Variants in PRKAG2 observed in about 807,000 individuals in gnomAD.
The protein encoded by PRKAG2 is protein kinase AMP-activated non-catalytic subunit gamma 2.
Under a neutral mutation model 69.6 loss-of-function variants are expected in PRKAG2, and 26 were observed. That is an observed-to-expected ratio of 0.37 (90% CI 0.27 to 0.52). The LOEUF is 0.52. Ranked by LOEUF, PRKAG2 falls within the 20% of genes least tolerant of loss-of-function variation. PRKAG2 has a pLI of 0.90. For synonymous variants in PRKAG2, 293 were observed against 285.0 expected (o/e 1.03, Z -0.28); for missense variants, 557 against 740.0 (o/e 0.75, Z 2.87).
intron 3 of PRKAG2, among the ~76,000 whole-genome samples, chr7:151,757,972 C>T (rs1183395491): frequency 6.6e-6 from 1 of 152,236 alleles, no homozygotes; most frequent in Non-Finnish European, 1.5e-5. Context: ...TGCGATGAAG[C>T]CCTGCGGCTC....
intron 1 of PRKAG2, among the ~76,000 whole-genome samples, chr7:151,797,409 CG>C (rs1004176587): frequency 2.7e-4 from 41 of 152,246 alleles, no homozygotes; most frequent in African/African-American, 9.1e-4. Flanking sequence ...CCCTCCTCTA[CG>C]TAGAGGACCT....
intron 3 of PRKAG2, among the ~76,000 whole-genome samples, chr7:151,726,902 C>A (rs1460875968): frequency 1.3e-5 from 2 of 152,112 alleles, no homozygotes; most frequent in African/African-American, 4.8e-5. Context: ...GTTAGCACAG[C>A]ATTGTTAGTC....
At chr7:151,656,983 A>G (rs1401353828) in intron 4 of PRKAG2, among the ~76,000 whole-genome samples, 1 of 152,078 alleles carries the variant, frequency 6.6e-6, no homozygotes, top group African/African-American at 2.4e-5. Flanking sequence ...CTAAAAATAC[A>G]AAAATTAGCT....
At chr7:151,564,052 G>T (rs1805686194) in intron 14 of PRKAG2, 26 bp downstream of exon 14, 2 of 1,613,642 alleles carry the variant, frequency 1.2e-6, no homozygotes, top group African/African-American at 2.7e-5. Context: ...GACGTCGGGG[G>T]AGCAGGACTG....
chr7:151,810,571 C>T (rs1322644696), intron 1 of PRKAG2: 1 of 152,634 alleles, frequency 6.6e-6, no homozygotes, highest in Non-Finnish European at 1.5e-5. Context: ...AGTTGCCACC[C>T]CCGCAACACA....
Position 151,671,540 on chromosome 7 carries a change from AATG to A in PRKAG2, c.684+3877_684+3879del, listed in dbSNP as rs369541543. Among the ~76,000 whole-genome samples the A allele has an allele frequency of 3.4e-3, 520 of 152,368 alleles. 2 individuals carry two copies. Among genetic ancestry groups the A allele is most frequent in the African/African-American group, 0.012 (499 of 41,590 alleles). On this transcript the variant is annotated intron_variant, in intron 4 of 15. Transcript: ENST00000287878. Reference sequence around the variant, plus strand: ...ACCACCCACCCTGCTGCCAGAATGTAATGATATGTTCTCTGCATGCCAAACATA... The same window carrying A: ...ACCACCCACCCTGCTGCCAGAATGTAATATGTTCTCTGCATGCCAAACATA...
chr7:151,789,658 G>C (rs139743423), intron 1 of PRKAG2, among the ~76,000 whole-genome samples: 260 of 152,348 alleles, frequency 1.7e-3, no homozygotes, highest in Middle Eastern at 3.4e-3. Flanking sequence ...GCAGATTCCA[G>C]ACTCAGCCTT....
chr7:151,595,910 C>T (rs1814379869), intron 5 of PRKAG2, among the ~76,000 whole-genome samples: 1 of 152,170 alleles, frequency 6.6e-6, no homozygotes, highest in Admixed American at 6.5e-5. Context: ...TGGCTCACAC[C>T]TGTAATCCCA....
chr7:151,675,196 C>G (rs905569876), intron 4 of PRKAG2: 3 of 557,088 alleles, frequency 5.4e-6, no homozygotes, highest in African/African-American at 3.7e-5. Flanking sequence ...GCTGGGACTA[C>G]AGGTGTGAGC....
Position 151,780,430 on chromosome 7 carries a change from C to G in PRKAG2, c.466+722G>C, listed in dbSNP as rs554475421. Among the ~76,000 whole-genome samples, 30 of 152,302 alleles carry G rather than the reference C, an allele frequency of 2.0e-4. No homozygotes were observed. In the South Asian group the frequency reaches 6.0e-3, roughly 30 times the overall value. On this transcript the variant is annotated intron_variant, in intron 3 of 15. Coordinates refer to ENST00000287878, the MANE Select transcript of PRKAG2 (RefSeq NM_016203.4). This position sits in a 1 kb window ranked among gnomAD's most constrained non-coding sequence, Gnocchi z 4.2. Reference sequence around the variant, plus strand: ...CACTATCTTCCCCAATACAAATGTTCTAAGTCAGTAGAAAGAACTGGAAAG... The same window carrying G: ...CACTATCTTCCCCAATACAAATGTTGTAAGTCAGTAGAAAGAACTGGAAAG...
chr7:151,797,227 A>ACCCT (rs2077594085), intron 1 of PRKAG2, among the ~76,000 whole-genome samples: 1 of 132,856 alleles, frequency 7.5e-6, no homozygotes, highest in Non-Finnish European at 1.6e-5. Flanking sequence ...GCTTCTTGCC[A>ACCCT]CCCCCCCCAC....
intron 1 of PRKAG2, among the ~76,000 whole-genome samples, chr7:151,815,929 C>G (rs1359352556): frequency 1.3e-5 from 2 of 152,294 alleles, no homozygotes; most frequent in South Asian, 2.1e-4. Context: ...AAGGAGGCTT[C>G]TTCCACGAGC....
intron 5 of PRKAG2, among the ~76,000 whole-genome samples, chr7:151,620,290 T>A (rs1340085921): frequency 6.6e-6 from 1 of 152,176 alleles, no homozygotes; most frequent in East Asian, 1.9e-4. Context: ...CTCTCCTTTA[T>A]CAACAACATT....
In PRKAG2 at chr7:151,788,624, C is replaced by G. The variant is rs2077126707; in HGVS notation, c.115-2083G>C. Among the ~76,000 whole-genome samples the G allele has an allele frequency of 6.6e-6, 1 of 152,196 alleles. No individual in the cohort carries two copies. The highest frequency in any genetic ancestry group is 2.1e-4 in the South Asian group (1 of 4,832). On this transcript the variant is annotated intron_variant, in intron 1 of 15. Transcript: ENST00000287878. This position sits in a 1 kb window ranked among gnomAD's most constrained non-coding sequence, Gnocchi z 4.6. ...CTCCATTCTGTGGGTTGCCTTTTTA[C>G]TCTGCTGTGTCCTTTGATGTACAGA...
chr7:151,858,902 G>A (rs1442503689), intron 1 of PRKAG2, among the ~76,000 whole-genome samples: 4 of 152,092 alleles, frequency 2.6e-5, no homozygotes, highest in Admixed American at 1.3e-4. Flanking sequence ...TGGAGCTGAC[G>A]GGCACCCTAG....
At chr7:151,576,216 C>T (rs1449993996) in intron 7 of PRKAG2, 155 bp downstream of exon 7, 8 of 790,418 alleles carry the variant, frequency 1.0e-5, no homozygotes, top group Non-Finnish European at 1.3e-5. Context: ...GCTGAGATTA[C>T]GGGCATGGGC....
chr7:151,718,278 A>G (rs951945115), intron 3 of PRKAG2, among the ~76,000 whole-genome samples: 5 of 151,346 alleles, frequency 3.3e-5, no homozygotes, highest in African/African-American at 4.9e-5. Context: ...TGGTGGGTGG[A>G]GGGGGGGGTA....
intron 3 of PRKAG2, among the ~76,000 whole-genome samples, chr7:151,721,656 C>T (rs1797136542): frequency 6.6e-6 from 1 of 152,214 alleles, no homozygotes; most frequent in Non-Finnish European, 1.5e-5. Flanking sequence ...GGCCAGGGAG[C>T]AGCAGGGTAG....
At chr7:151,802,095 T>A (rs1324595109) in intron 1 of PRKAG2, among the ~76,000 whole-genome samples, 2 of 152,156 alleles carry the variant, frequency 1.3e-5, no homozygotes, top group African/African-American at 4.8e-5. Flanking sequence ...CACCTACACC[T>A]GTCAGAAGGG....
Sources: allele counts gnomAD v4.1 joint callset (sites outside exome capture counted in the v4.1 genomes callset), GRCh38; gene constraint gnomAD v4.1.1; non-coding constraint Gnocchi (gnomAD v3.1); transcripts MANE v1.5; gene names NCBI Gene and HGNC (gene_info 2026-07-23, HGNC 2026-07-21).